Variants in TG observed in about 807,000 individuals in gnomAD.
The protein encoded by TG is thyroglobulin.
TG carries 270 observed loss-of-function variants against 324.7 expected under a neutral mutation model. The ratio of observed to expected loss-of-function variants is 0.83; its 90% CI spans 0.75 to 0.92. The LOEUF (loss-of-function observed/expected upper bound fraction) is 0.92, where lower values mean the gene tolerates loss of function less well. TG is among the 40% of genes least tolerant of loss of function. The pLI, the probability that TG is intolerant of heterozygous loss-of-function variation, is 0.00. For synonymous variants in TG, 1,401 were observed against 1,327.0 expected, an observed-to-expected ratio of 1.06 and a Z score of -1.21; for missense variants, 3,591 against 3,456.4, an observed-to-expected ratio of 1.04 and a Z score of -0.98.
At chr8:133,047,783 AT>A (rs1839722621) in intron 41 of TG, 1 of 1,067,720 alleles carries the variant, frequency 9.4e-7, no homozygotes, top group Non-Finnish European at 1.5e-6. Context: ...GGAGCAAAAC[AT>A]GCTTGTCTGC....
At chr8:132,960,877 A>G in intron 27 of TG, 131 bp from the exon 28 acceptor site, 1 of 926,674 alleles carries the variant, frequency 1.1e-6, no homozygotes, top group Admixed American at 1.7e-5. Context: ...TCTGGGTTAC[A>G]TCTTACGTGG....
chr8:132,970,803 A>G (rs10106773), intron 32 of TG, among the ~76,000 whole-genome samples: 23,801 of 152,146 alleles, frequency 0.16, 2,378 homozygotes, highest in Middle Eastern at 0.29. Flanking sequence ...TCCAGACTGG[A>G]TCTTAGAAAT....
At chr8:132,868,313 G>A in intron 2 of TG, 90 bp downstream of exon 2, 1 of 1,178,094 alleles carries the variant, frequency 8.5e-7, no homozygotes, top group Non-Finnish European at 1.2e-6. Context: ...GCTCTGCCCT[G>A]CAACTCCTTT....
intron 40 of TG, among the ~76,000 whole-genome samples, chr8:133,024,339 TTTCTTTCTTTC>T (rs1835843480): frequency 8.6e-6 from 1 of 116,760 alleles, no homozygotes; most frequent in Admixed American, 8.6e-5. Flanking sequence ...TCTTTCTTTC[TTTCTTTCTTTC>T]TTTCTTTCTT....
intron 41 of TG, 188 bp from the exon 42 acceptor site, chr8:133,094,856 A>G (rs1848170168): frequency 2.0e-5 from 15 of 742,530 alleles, no homozygotes; most frequent in South Asian, 2.0e-4. Context: ...CATCTTCAGT[A>G]TCACACTGCA....
chr8:132,933,520 C>G, intron 23 of TG, 41 bp from the exon 24 acceptor site: 14 of 1,592,144 alleles, frequency 8.8e-6, no homozygotes, highest in Non-Finnish European at 1.1e-5. Flanking sequence ...TCAGCATCCC[C>G]CGGGAAAGCC....
chr8:132,874,033 G>A (rs1010494165), intron 5 of TG, among the ~76,000 whole-genome samples: 7 of 152,084 alleles, frequency 4.6e-5, no homozygotes, highest in Admixed American at 1.3e-4. Context: ...TTAGCCGGGC[G>A]TGGTGGTGCA....
chr8:133,107,816 T>C (rs1849930833), intron 43 of TG, among the ~76,000 whole-genome samples: 1 of 152,150 alleles, frequency 6.6e-6, no homozygotes, highest in Non-Finnish European at 1.5e-5. Context: ...GCTACCTGGC[T>C]GTGAAGGTGT....
intron 35 of TG, among the ~76,000 whole-genome samples, chr8:132,997,776 TA>T (rs1833020767): frequency 6.6e-6 from 1 of 152,136 alleles, no homozygotes; most frequent in African/African-American, 2.4e-5. Context: ...GATTGACAGC[TA>T]AAAAAAGAAT....
At chr8:132,940,314 A>G (rs944307028) in intron 25 of TG, among the ~76,000 whole-genome samples, 5 of 152,166 alleles carry the variant, frequency 3.3e-5, no homozygotes. Context: ...TTTTCCTCAA[A>G]TGGAAAATGG....
chr8:133,029,798 A>G, intron 40 of TG, 23 bp from the exon 41 acceptor site: 1 of 1,614,000 alleles, frequency 6.2e-7, no homozygotes. Context: ...ACAAAGGATA[A>G]AAGGCTTTCC....
chr8:132,993,630 C>T (rs1373257709), intron 35 of TG, among the ~76,000 whole-genome samples: 2 of 152,164 alleles, frequency 1.3e-5, no homozygotes, highest in Non-Finnish European at 2.9e-5. Flanking sequence ...ACAACCTGTG[C>T]AGCTGTACAT....
intron 39 of TG, among the ~76,000 whole-genome samples, chr8:133,021,402 C>G (rs1295817622): frequency 6.6e-6 from 1 of 152,182 alleles, no homozygotes; most frequent in African/African-American, 2.4e-5. Flanking sequence ...GAGACGGGCT[C>G]CAGGTCTGCA....
intron 30 of TG, among the ~76,000 whole-genome samples, chr8:132,967,015 A>G (rs1828661621): frequency 6.9e-6 from 1 of 145,836 alleles, no homozygotes; most frequent in Non-Finnish European, 1.5e-5. Context: ...TATCCATCCC[A>G]TCCATCCTTC....
rs748159184 is a variant in TG at position 132,868,219 on chromosome 8, T to C, written c.172T>C (p.Phe58Leu). The change falls in exon 2 of 48, where the codon TTC (phenylalanine) becomes CTC (leucine). Residue 58 changes from phenylalanine (F) to leucine (L), a missense_variant. Phe to Leu is a conservative substitution (Grantham distance 22). Coordinates refer to ENST00000220616, the MANE Select transcript of TG (RefSeq NM_003235.5). ...GCCCCAGTGTGCAGAGGATGGCAGC[T>C]TCCAGTAAGGCTTATGTCAGCAGCG... ...YVPQCAEDGS[F>L]QTVQCQNDGR... The C allele has an allele frequency of 2.5e-6, 4 of 1,613,896 alleles. No individual in the cohort carries two copies. Among genetic ancestry groups the C allele is most frequent in the Admixed American group, 3.3e-5 (2 of 60,002 alleles).
At chr8:133,003,519 G>A (rs1308018089) in intron 35 of TG, among the ~76,000 whole-genome samples, 2 of 151,442 alleles carry the variant, frequency 1.3e-5, no homozygotes, top group Admixed American at 1.3e-4. Context: ...ATCTCAAAAA[G>A]TACTCCTCTG....
chr8:133,102,390 A>G lies in TG; in HGVS notation c.7572+6017A>G, dbSNP rs1430564522. The G allele has an allele frequency of 1.8e-5, 11 of 599,136 alleles. No individual in the cohort carries two copies. In the East Asian group the frequency reaches 3.1e-4, roughly 17 times the overall value. The allele number at this position is 599,136 out of a possible 1,614,324, so 37.1% of individuals were successfully genotyped here. On this transcript the variant is annotated intron_variant, in intron 43 of 47. Coordinates refer to ENST00000220616, the MANE Select transcript of TG (RefSeq NM_003235.5). ...TCTTACCCCAAGTCCTGCCCCCTGG[A>G]GCTACTCACCACCAGCAGAGACCCA...
chr8:132,911,965 G>A (rs985220750), intron 19 of TG, among the ~76,000 whole-genome samples: 1 of 152,176 alleles, frequency 6.6e-6, no homozygotes, highest in African/African-American at 2.4e-5. Flanking sequence ...GAGAAGAATG[G>A]ATTTTATGAT....
rs1356993675 is a variant in TG at position 133,049,416 on chromosome 8, T to C, written c.7239+19393T>C. The C allele has an allele frequency of 1.7e-5, 5 of 287,276 alleles. No homozygotes were observed. The East Asian group carries it at 4.1e-4, about 23-fold the overall frequency. The allele number at this position is 287,276 out of a possible 1,614,324, so 17.8% of individuals were successfully genotyped here. A position where few individuals can be genotyped will look rare whatever the true frequency, so the allele number is the denominator to read the frequency against. Reference sequence around the variant, plus strand: ...ACACATGTATCATTACATCTTATTCTCCTAACAACCCTACACTTTGATCAT... The same window carrying C: ...ACACATGTATCATTACATCTTATTCCCCTAACAACCCTACACTTTGATCAT... On this transcript the variant is annotated intron_variant, in intron 41 of 47. Coordinates refer to ENST00000220616, the MANE Select transcript of TG (RefSeq NM_003235.5).
Sources: gnomAD v4.1 joint callset for allele counts (sites outside exome capture counted in the v4.1 genomes callset) on GRCh38, gnomAD v4.1.1 for gene constraint, MANE v1.5 for transcripts, NCBI Gene and HGNC (gene_info 2026-07-23, HGNC 2026-07-21) for gene names.